Variants in UVRAG observed in about 807,000 individuals in gnomAD.
UVRAG encodes the protein UV radiation resistance associated.
In UVRAG, 19 loss-of-function variants were observed where a neutral mutation model predicts 78.0. The ratio of observed to expected loss-of-function variants is 0.24; its 90% confidence interval spans 0.17 to 0.36. UVRAG has a LOEUF of 0.36. UVRAG is among the 10% of genes least tolerant of loss of function. The pLI is 1.00. For synonymous variants in UVRAG, 323 were observed against 324.6 expected (o/e 1.00, Z 0.05); for missense variants, 740 against 853.8 (o/e 0.87, Z 1.66).
intron 6 of UVRAG, among the ~76,000 whole-genome samples, chr11:75,936,066 G>C (rs1003881281): frequency 7.2e-5 from 11 of 152,168 alleles, no homozygotes; most frequent in Admixed American, 2.6e-4. Flanking sequence ...TGGTTTGTCT[G>C]ATGTTTCCTG....
intron 12 of UVRAG, among the ~76,000 whole-genome samples, chr11:76,041,227 C>T (rs766609830): frequency 2.0e-4 from 31 of 152,238 alleles, no homozygotes; most frequent in Non-Finnish European, 3.2e-4. Flanking sequence ...CAAGATCGTA[C>T]GCAATTGTGG....
At chr11:76,033,010 A>C (rs1340224490) in intron 12 of UVRAG, among the ~76,000 whole-genome samples, 2 of 152,246 alleles carry the variant, frequency 1.3e-5, no homozygotes, top group Non-Finnish European at 2.9e-5. Flanking sequence ...CCTATCTATA[A>C]AGTATTTTTG....
At chr11:76,087,475 A>G (rs1336604367) in intron 13 of UVRAG, among the ~76,000 whole-genome samples, 1 of 152,200 alleles carries the variant, frequency 6.6e-6, no homozygotes, top group African/African-American at 2.4e-5. Flanking sequence ...GTAAATGGCT[A>G]AAATACTGCC....
At chr11:75,826,160 C>T (rs573938067) in intron 1 of UVRAG, among the ~76,000 whole-genome samples, 40 of 148,708 alleles carry the variant, frequency 2.7e-4, no homozygotes, top group Admixed American at 8.1e-4. Context: ...GTTTTCTTTC[C>T]TTTTTTTTTC....
intron 6 of UVRAG, among the ~76,000 whole-genome samples, chr11:75,930,207 A>C (rs544572225): frequency 6.6e-6 from 1 of 152,292 alleles, no homozygotes; most frequent in East Asian, 1.9e-4. Flanking sequence ...ATTGTACACT[A>C]CTTTCTTAGC....
At chr11:75,882,063 C>T (rs1946958083) in intron 4 of UVRAG, among the ~76,000 whole-genome samples, 1 of 152,068 alleles carries the variant, frequency 6.6e-6, no homozygotes, top group East Asian at 1.9e-4. Flanking sequence ...TTTTGTGATG[C>T]CTATGGTACT....
intron 13 of UVRAG, among the ~76,000 whole-genome samples, chr11:76,087,693 G>A (rs772963447): frequency 1.3e-5 from 2 of 152,044 alleles, no homozygotes; most frequent in African/African-American, 2.4e-5. Context: ...TATTTCCTTT[G>A]ATCCTTATAG....
chr11:76,137,733 TA>T (rs1223548901), intron 14 of UVRAG: 144 of 288,594 alleles, frequency 5.0e-4, no homozygotes, highest in Middle Eastern at 1.2e-3. Context: ...ATCCTGTCTC[TA>T]AAAAAAAATT....
rs536686914 is a variant in UVRAG at position 75,946,437 on chromosome 11, A to G, written c.594-15007A>G. Among the ~76,000 whole-genome samples, 68 of 152,324 alleles carry G rather than the reference A, an allele frequency of 4.5e-4. 1 individual carries two copies. The South Asian group carries it at 0.012, about 27-fold the overall frequency. ...GAATGTATTAGTTTTTGATTGCTGG[A>G]TAATAAATTACCACAAATTTAGTGG... On this transcript the variant is annotated intron_variant, in intron 6 of 14. Coordinates refer to ENST00000356136, the MANE Select transcript of UVRAG (RefSeq NM_003369.4).
chr11:76,054,534 A>T (rs1290175466), intron 12 of UVRAG, among the ~76,000 whole-genome samples: 1 of 152,040 alleles, frequency 6.6e-6, no homozygotes, highest in Non-Finnish European at 1.5e-5. Context: ...TGCTGACCTC[A>T]TCTCCTGGTC....
intron 7 of UVRAG, among the ~76,000 whole-genome samples, chr11:75,973,867 A>G (rs952326528): frequency 4.6e-5 from 7 of 152,092 alleles, no homozygotes; most frequent in Non-Finnish European, 7.4e-5. Flanking sequence ...CATCCATGTC[A>G]CTGCAAAGGA....
chr11:75,888,494 C>A (rs1947143480), intron 4 of UVRAG, among the ~76,000 whole-genome samples: 2 of 152,224 alleles, frequency 1.3e-5, no homozygotes, highest in African/African-American at 4.8e-5. Flanking sequence ...ATTGTGTTTT[C>A]TTTGGGGTTA....
At chr11:75,899,859 C>G (rs1160165079) in intron 5 of UVRAG, among the ~76,000 whole-genome samples, 1 of 152,208 alleles carries the variant, frequency 6.6e-6, no homozygotes, top group Non-Finnish European at 1.5e-5. Context: ...CACAAAAGTT[C>G]CACACATTAG....
Position 75,861,799 on chromosome 11 carries a change from G to A in UVRAG, c.270+19G>A, listed in dbSNP as rs905904147. 21 of 1,598,954 alleles carry A rather than the reference G, an allele frequency of 1.3e-5. No individual in the cohort carries two copies. Among genetic ancestry groups the A allele is most frequent in the Middle Eastern group, 1.7e-4 (1 of 6,048 alleles). On this transcript the variant is annotated intron_variant, in intron 3 of 14. Transcript: ENST00000356136. The stretch of plus-strand genomic sequence containing the variant: ...TTCCTTGGTAAGTTTGCTTTCTGAC[G>A]GGTACATATGACTAAGTATATACAC...
At chr11:76,017,594 A>G (rs1950173291) in intron 12 of UVRAG, among the ~76,000 whole-genome samples, 1 of 152,202 alleles carries the variant, frequency 6.6e-6, no homozygotes, top group South Asian at 2.1e-4. Flanking sequence ...ACCTGGGGAA[A>G]TTAAACAGCT....
chr11:75,823,106 C>A (rs932544977), intron 1 of UVRAG, among the ~76,000 whole-genome samples: 7 of 152,162 alleles, frequency 4.6e-5, no homozygotes, highest in African/African-American at 1.7e-4. Flanking sequence ...AGTAAAGATT[C>A]TCCTAGTACC....
intron 8 of UVRAG, among the ~76,000 whole-genome samples, chr11:75,985,389 A>T (rs988499800): frequency 6.6e-6 from 1 of 151,798 alleles, no homozygotes; most frequent in Non-Finnish European, 1.5e-5. Context: ...TTGCCCATTA[A>T]TAAAAAAAGT....
intron 13 of UVRAG, among the ~76,000 whole-genome samples, chr11:76,085,933 A>G (rs1297660874): frequency 2.6e-5 from 4 of 152,116 alleles, no homozygotes; most frequent in Admixed American, 2.0e-4. Flanking sequence ...ATGCCTGCTG[A>G]CACCCAGTGC....
intron 12 of UVRAG, among the ~76,000 whole-genome samples, chr11:76,019,012 C>G (rs970632300): frequency 2.0e-5 from 3 of 152,152 alleles, no homozygotes; most frequent in African/African-American, 7.2e-5. Flanking sequence ...AGGCATGCTT[C>G]ATTCTTTTTT....
Sources: gnomAD v4.1 joint callset for allele counts (sites outside exome capture counted in the v4.1 genomes callset) on GRCh38, gnomAD v4.1.1 for gene constraint, MANE v1.5 for transcripts, NCBI Gene and HGNC (gene_info 2026-07-23, HGNC 2026-07-21) for gene names.